The following MCTP2 variants were observed in gnomAD, a reference collection of about 807,000 sequenced individuals.
MCTP2 encodes the protein multiple C2 and transmembrane domain containing 2, also known as multiple C2 and transmembrane domain-containing protein 2.
In MCTP2, 132 loss-of-function variants were observed where a neutral mutation model predicts 111.6. The observed-to-expected ratio is 1.18, with a 90% CI of 1.03 to 1.37. The LOEUF is 1.37. Among genes scored for constraint, MCTP2 ranks in the 40% most tolerant of loss-of-function variants. The probability of loss-of-function intolerance (pLI) is 0.00; values close to 1 mark genes in which losing one functional copy is unlikely to be tolerated. For synonymous variants in MCTP2, 395 were observed against 387.7 expected (o/e 1.02, Z -0.22); for missense variants, 1,183 against 1,067.9 (o/e 1.11, Z -1.50).
intron 21 of MCTP2, among the ~76,000 whole-genome samples, chr15:94,473,793 G>T (rs187169614): frequency 6.6e-6 from 1 of 152,296 alleles, no homozygotes; most frequent in Admixed American, 6.5e-5. Flanking sequence ...AGGAACCCCT[G>T]CCTCACCCCA....
At chr15:94,325,921 G>A (rs1355004366) in intron 4 of MCTP2, among the ~76,000 whole-genome samples, 1 of 147,256 alleles carries the variant, frequency 6.8e-6, no homozygotes, top group African/African-American at 2.5e-5. Context: ...TCTGGTTCAA[G>A]TGATTCTCCT....
chr15:94,282,745 G>A lies in MCTP2; in HGVS notation c.-65-15456G>A, dbSNP rs143130846. On this transcript the variant is annotated intron_variant, in intron 1 of 22. Transcript: ENST00000357742. The stretch of plus-strand genomic sequence containing the variant: ...TTTATACTCTTTGATCCCCTTGAGG[G>A]TTTGACTGTAGTGCAAATTAGGTTT... 6.6e-5 allele frequency among the ~76,000 whole-genome samples: 10 copies of A among 152,292 alleles called. No homozygotes were observed. The East Asian group carries it at 1.9e-3, about 29-fold the overall frequency.
At chr15:94,376,489 A>T (rs1395460525) in intron 12 of MCTP2, among the ~76,000 whole-genome samples, 6 of 152,192 alleles carry the variant, frequency 3.9e-5, no homozygotes, top group African/African-American at 1.4e-4. Context: ...GCTCCCTCTA[A>T]GCCTCCATGT....
chr15:94,354,315 A>G (rs2078486288), intron 8 of MCTP2, among the ~76,000 whole-genome samples: 1 of 152,120 alleles, frequency 6.6e-6, no homozygotes. Context: ...CCCCACCCAA[A>G]TCTCATCTTG....
At position 94,466,406 on chromosome 15, in the gene MCTP2, G is replaced by C. The variant is rs115908544; in HGVS notation, c.2361-3927G>C. Reference sequence around the variant, plus strand: ...CACCTTGGGATACTACCAGTCCCAGGACCTACCAATCTAGGTCCTTTCTTA... The same window carrying C: ...CACCTTGGGATACTACCAGTCCCAGCACCTACCAATCTAGGTCCTTTCTTA... On this transcript the variant is annotated intron_variant, in intron 20 of 22. Coordinates refer to ENST00000357742, the MANE Select transcript of MCTP2 (RefSeq NM_001385001.1). Among the ~76,000 whole-genome samples the C allele has an allele frequency of 5.3e-3, 802 of 152,170 alleles. 5 individuals carry two copies. Among genetic ancestry groups the C allele is most frequent in the African/African-American group, 0.018 (734 of 41,534 alleles).
At chr15:94,436,742 T>C (rs2083497396) in intron 17 of MCTP2, among the ~76,000 whole-genome samples, 1 of 152,130 alleles carries the variant, frequency 6.6e-6, no homozygotes, top group Non-Finnish European at 1.5e-5. Context: ...TCTCCATAGC[T>C]TTATGTCAGC....
chr15:94,257,566 G>GTTTTTTTTTTTTTTT (rs1220635423), intron 1 of MCTP2, among the ~76,000 whole-genome samples: 14 of 73,006 alleles, frequency 1.9e-4, no homozygotes, highest in Non-Finnish European at 3.5e-4. Flanking sequence ...CATTTTCTTT[G>GTTTTTTTTTTTTTTT]TTGTTTTTTT....
chr15:94,286,900 AC>A (rs2152319788), intron 1 of MCTP2, among the ~76,000 whole-genome samples: 2 of 152,354 alleles, frequency 1.3e-5, no homozygotes, highest in African/African-American at 4.8e-5. Flanking sequence ...GCTGAAGATT[AC>A]CAGGTAGGGT....
At chr15:94,435,763 C>T (rs1472496896) in intron 17 of MCTP2, among the ~76,000 whole-genome samples, 2 of 137,256 alleles carry the variant, frequency 1.5e-5, no homozygotes, top group Non-Finnish European at 3.2e-5. Flanking sequence ...TCCCGAGTAG[C>T]TGGGATTACA....
chr15:94,410,257 CTTG>C (rs1420024302), intron 17 of MCTP2, among the ~76,000 whole-genome samples: 2 of 152,068 alleles, frequency 1.3e-5, no homozygotes, highest in Non-Finnish European at 2.9e-5. Flanking sequence ...TGGACCTGGA[CTTG>C]TTGAGAACCT....
At chr15:94,398,871 C>T in intron 14 of MCTP2, 90 bp from the exon 15 acceptor site, 6 of 686,566 alleles carry the variant, frequency 8.7e-6, no homozygotes, top group Non-Finnish European at 1.0e-5. Flanking sequence ...ATTGTGCATC[C>T]CCAATTTTGC....
intron 1 of MCTP2, among the ~76,000 whole-genome samples, chr15:94,245,826 TC>T (rs549975986): frequency 5.6e-4 from 83 of 149,258 alleles, no homozygotes; most frequent in East Asian, 3.8e-3. Context: ...TTCTGATTGC[TC>T]CCCCCCCAGC....
intron 4 of MCTP2, among the ~76,000 whole-genome samples, chr15:94,328,105 G>A (rs1200884253): frequency 6.6e-6 from 1 of 150,456 alleles, no homozygotes; most frequent in Non-Finnish European, 1.5e-5. Context: ...TGAGGGGGTG[G>A]TTTTTATCAA....
chr15:94,371,314 T>G (rs544453558), intron 12 of MCTP2, among the ~76,000 whole-genome samples: 14 of 152,298 alleles, frequency 9.2e-5, no homozygotes, highest in African/African-American at 3.4e-4. Context: ...TTATTGCAAA[T>G]GTTTGTAATC....
At chr15:94,259,012 A>G (rs1405552642) in intron 1 of MCTP2, among the ~76,000 whole-genome samples, 1 of 152,190 alleles carries the variant, frequency 6.6e-6, no homozygotes, top group Non-Finnish European at 1.5e-5. Context: ...ACACTAAAAT[A>G]GAGATTAAAA....
chr15:94,390,098 A>ATATGTGTATATATATATATG, intron 14 of MCTP2, among the ~76,000 whole-genome samples: 1 of 34,418 alleles, frequency 2.9e-5, no homozygotes, highest in South Asian at 7.6e-4. Context: ...ATGTATATAT[A>ATATGTGTATATATATATATG]TATATATATA....
chr15:94,440,237 T>G lies in MCTP2; in HGVS notation c.2147T>G (p.Ile716Ser). Residue 716 changes from isoleucine (I) to serine (S), a missense_variant, in exon 18 of 23, where the codon ATC (isoleucine) becomes AGC (serine). Coordinates refer to ENST00000357742, the MANE Select transcript of MCTP2 (RefSeq NM_001385001.1). Reference sequence around the variant, plus strand: ...ATGATCCCCTTGGCATTGTTGCTGATCTTTGTCTACAATTTCATCAGACCT... The same window carrying G: ...ATGATCCCCTTGGCATTGTTGCTGAGCTTTGTCTACAATTTCATCAGACCT... Reference protein sequence around the residue: ...LYMIPLALLLIFVYNFIRPVK... With the variant: ...LYMIPLALLLSFVYNFIRPVK... 2 of 1,614,112 alleles carry G rather than the reference T, an allele frequency of 1.2e-6. No homozygotes were observed. Among genetic ancestry groups the G allele is most frequent in the East Asian group, 4.5e-5 (2 of 44,878 alleles).
At chr15:94,358,389 C>A (rs943599131) in intron 9 of MCTP2, 93 bp from the exon 10 acceptor site, 9 of 1,184,372 alleles carry the variant, frequency 7.6e-6, no homozygotes, top group Non-Finnish European at 1.1e-5. Flanking sequence ...ATCATCTTGA[C>A]CCTCTGCAGT....
intron 10 of MCTP2, among the ~76,000 whole-genome samples, chr15:94,359,947 A>C (rs4984386): frequency 0.45 from 67,812 of 151,674 alleles, 15,286 homozygotes; most frequent in Admixed American, 0.5. Context: ...ACCCTGTTGC[A>C]TGGGACTGTC....
Sources: gnomAD v4.1 joint callset for allele counts (sites outside exome capture counted in the v4.1 genomes callset) on GRCh38, gnomAD v4.1.1 for gene constraint, MANE v1.5 for transcripts, NCBI Gene and HGNC (gene_info 2026-07-23, HGNC 2026-07-21) for gene names.